EPAS1: variants seen among roughly 807,000 people sequenced by gnomAD.
The protein encoded by EPAS1 is endothelial PAS domain protein 1.
EPAS1 carries 23 observed loss-of-function variants against 87.9 expected under a neutral mutation model. The observed-to-expected ratio is 0.26, with a 90% CI of 0.19 to 0.37. The LOEUF (loss-of-function observed/expected upper bound fraction) is 0.37. EPAS1 is among the 10% of genes least tolerant of loss of function. The probability of loss-of-function intolerance (pLI) is 1.00; values close to 1 mark genes in which losing one functional copy is unlikely to be tolerated. For synonymous variants in EPAS1, 508 were observed against 444.3 expected (o/e 1.14, Z -1.80); for missense variants, 1,138 against 1,120.7 (o/e 1.02, Z -0.22).
At chr2:46,341,992 A>C (rs1235904641) in intron 1 of EPAS1, among the ~76,000 whole-genome samples, 2 of 152,134 alleles carry the variant, frequency 1.3e-5, no homozygotes, top group African/African-American at 2.4e-5. Context: ...CACCACACAC[A>C]CACCCACCCA....
chr2:46,318,746 T>G (rs1394649429), intron 1 of EPAS1, among the ~76,000 whole-genome samples: 1 of 152,236 alleles, frequency 6.6e-6, no homozygotes, highest in Non-Finnish European at 1.5e-5. Context: ...ACATGACGTG[T>G]CTTCCCTAAA....
At chr2:46,355,243 G>A (rs7589621) in intron 2 of EPAS1, among the ~76,000 whole-genome samples, 50,594 of 152,086 alleles carry the variant, frequency 0.33, 9,310 homozygotes, top group East Asian at 0.77. Flanking sequence ...GGCACTTTAC[G>A]TACTTATCCT....
At chr2:46,309,018 A>G (rs1487839468) in intron 1 of EPAS1, among the ~76,000 whole-genome samples, 1 of 152,244 alleles carries the variant, frequency 6.6e-6, no homozygotes, top group African/African-American at 2.4e-5. Context: ...AAGAGCAAAG[A>G]CCCAGTCATT....
At position 46,347,304 on chromosome 2, in the gene EPAS1, C is replaced by T. The variant is rs1572631485; in HGVS notation, c.217+241C>T. On this transcript the variant is annotated intron_variant, in intron 2 of 15. Transcript: ENST00000263734. The surrounding 1 kb of genome is among the most constrained non-coding windows in gnomAD (Gnocchi z 4.2). ...GGACAGGACCAGGGAAGAACATGGG[C>T]ACCCAGAGGCTGTGGAGAACACGGG... The T allele has an allele frequency of 1.6e-5, 9 of 579,826 alleles. No homozygotes were observed. In the East Asian group the frequency reaches 2.7e-4, roughly 17 times the overall value. 35.9% of individuals were successfully genotyped at this position (579,826 alleles called of 1,614,324 possible).
chr2:46,340,349 A>C (rs1187235894), intron 1 of EPAS1, among the ~76,000 whole-genome samples: 1 of 152,182 alleles, frequency 6.6e-6, no homozygotes, highest in African/African-American at 2.4e-5. Flanking sequence ...CCAGGGACAC[A>C]GACCGTTAGA....
At chr2:46,378,519 C>A in intron 10 of EPAS1, 138 bp from the exon 11 acceptor site, 1 of 742,524 alleles carries the variant, frequency 1.3e-6, no homozygotes, top group Non-Finnish European at 2.4e-6. Flanking sequence ...TGTTAATTAG[C>A]AGCCCCTCTA....
chr2:46,358,989 G>A (rs544361552), intron 4 of EPAS1, among the ~76,000 whole-genome samples: 6 of 152,180 alleles, frequency 3.9e-5, no homozygotes, highest in South Asian at 2.1e-4. Context: ...GGCCAGGCAC[G>A]GTGGCTCACG....
intron 1 of EPAS1, among the ~76,000 whole-genome samples, chr2:46,339,935 A>G (rs935852260): frequency 6.6e-6 from 1 of 152,160 alleles, no homozygotes; most frequent in Non-Finnish European, 1.5e-5. Context: ...TCACCTCCCA[A>G]CGGTTCCACC....
intron 2 of EPAS1, 24 bp from the exon 3 acceptor site, chr2:46,356,127 T>TGGGGGGGGGGGGGGGGCGGGGGGGGGG: frequency 7.2e-7 from 1 of 1,395,474 alleles, no homozygotes; most frequent in Non-Finnish European, 9.9e-7. Context: ...TCATGCAAGC[T>TGGGGGGGGGGGGGGGGCGGGGGGGGGG]GTCCCACCCC....
In EPAS1 at chr2:46,375,727, G is replaced by A; in HGVS notation, c.924G>A (p.Arg308=). ...TKGQVVSGQY[R]MLAKHGGYVW... ...GTCAGGTAGTAAGTGGCCAGTACCG[G>A]ATGCTCGCAAAGCATGGGGGCTACG... is the stretch of plus-strand genomic sequence containing the variant. The change falls in exon 8 of 16, where the codon CGG becomes CGA. Residue 308 remains arginine (R), a synonymous_variant. Coordinates refer to ENST00000263734, the MANE Select transcript of EPAS1 (RefSeq NM_001430.5). The surrounding 1 kb of genome is among the most constrained non-coding windows in gnomAD (Gnocchi z 4.1). The A allele has an allele frequency of 1.9e-6, 3 of 1,614,208 alleles. 1 individual carries two copies. The highest frequency in any genetic ancestry group is 2.5e-6 in the Non-Finnish European group (3 of 1,180,040).
At chr2:46,379,642 TATCATGC>T (rs1684840421) in intron 11 of EPAS1, 1 of 114,628 alleles carries the variant, frequency 8.7e-6, no homozygotes, top group South Asian at 2.3e-4. Flanking sequence ...CCCCTGCTTG[TATCATGC>T]GTCCGTCATG....
intron 7 of EPAS1, among the ~76,000 whole-genome samples, chr2:46,372,515 TG>T (rs1684648024): frequency 6.6e-6 from 1 of 152,262 alleles, no homozygotes; most frequent in Non-Finnish European, 1.5e-5. Context: ...CATTGAAAGC[TG>T]TAATTTCCAA....
chr2:46,386,657 G>A lies in EPAS1; in HGVS notation c.*1997G>A, dbSNP rs1013109961. Reference sequence around the variant, plus strand: ...TGGGAGCTTAACTTTATAAGGAAATGTATTTTGACACTGGTATCTTATTAA... The same window carrying A: ...TGGGAGCTTAACTTTATAAGGAAATATATTTTGACACTGGTATCTTATTAA... On this transcript the variant is annotated 3_prime_UTR_variant, in exon 16 of 16. Transcript: ENST00000263734. 1 of 152,648 alleles carries A rather than the reference G, an allele frequency of 6.6e-6. No homozygotes were observed. Among genetic ancestry groups the A allele is most frequent in the African/African-American group, 2.4e-5 (1 of 41,462 alleles). 9.5% of individuals were successfully genotyped at this position (152,648 alleles called of 1,614,324 possible).
intron 6 of EPAS1, among the ~76,000 whole-genome samples, chr2:46,367,482 C>T (rs905693759): frequency 9.2e-5 from 14 of 152,346 alleles, no homozygotes; most frequent in African/African-American, 2.6e-4. Context: ...GACCCAGCAG[C>T]GAAGCCATTT....
intron 1 of EPAS1, among the ~76,000 whole-genome samples, chr2:46,310,428 A>G (rs556788665): frequency 6.6e-6 from 1 of 152,260 alleles, no homozygotes; most frequent in Admixed American, 6.5e-5. Context: ...CCTTTGATCA[A>G]TTTCTACCAA....
Position 46,375,846 on chromosome 2 carries a change from G to A in EPAS1, c.1034+9G>A. Reference sequence around the variant, plus strand: ...GTCAACTACGTCCTGAGGTAAGCATGTGAGGGCTGGCGGGCCTTGGTGCAG... The same window carrying A: ...GTCAACTACGTCCTGAGGTAAGCATATGAGGGCTGGCGGGCCTTGGTGCAG... On this transcript the variant is annotated intron_variant, in intron 8 of 15. Transcript: ENST00000263734. This position sits in a 1 kb window ranked among gnomAD's most constrained non-coding sequence, Gnocchi z 4.1. 2 of 1,614,182 alleles carry A rather than the reference G, an allele frequency of 1.2e-6. No homozygotes were observed. Among genetic ancestry groups the A allele is most frequent in the East Asian group, 2.2e-5 (1 of 44,872 alleles).
At chr2:46,350,863 G>A (rs141048747) in intron 2 of EPAS1, among the ~76,000 whole-genome samples, 30 of 152,302 alleles carry the variant, frequency 2.0e-4, no homozygotes, top group African/African-American at 6.0e-4. Context: ...TTTGCTTAGC[G>A]AAGACATCAG....
intron 8 of EPAS1, among the ~76,000 whole-genome samples, chr2:46,376,192 C>G (rs554516535): frequency 2.0e-5 from 3 of 152,218 alleles, no homozygotes; most frequent in African/African-American, 7.2e-5. Context: ...GATGTCATGC[C>G]TTCACTCTAT....
chr2:46,346,983 G>C lies in EPAS1; in HGVS notation c.137G>C (p.Ser46Thr). 1 of 1,614,230 alleles carries C rather than the reference G, an allele frequency of 6.2e-7. No homozygotes were observed. The highest frequency in any genetic ancestry group is 8.5e-7 in the Non-Finnish European group (1 of 1,180,032). ...ELAHELPLPH[S>T]VSSHLDKASI... ...GCCCATGAGCTGCCTCTGCCCCACA[G>C]TGTGAGCTCCCATCTGGACAAGGCC... The change falls in exon 2 of 16, where the codon AGT becomes ACT. Residue 46 changes from serine (S) to threonine (T), a missense_variant. Ser to Thr is a moderately conservative substitution (Grantham distance 58). Coordinates refer to ENST00000263734, the MANE Select transcript of EPAS1 (RefSeq NM_001430.5). This position sits in a 1 kb window ranked among gnomAD's most constrained non-coding sequence, Gnocchi z 4.0.
Sources: gnomAD v4.1 joint callset for allele counts (sites outside exome capture counted in the v4.1 genomes callset) on GRCh38, gnomAD v4.1.1 for gene constraint, Gnocchi (gnomAD v3.1) non-coding constraint, MANE v1.5 for transcripts, NCBI Gene and HGNC (gene_info 2026-07-23, HGNC 2026-07-21) for gene names.